EHF: variants seen among roughly 807,000 people sequenced by gnomAD.
EHF encodes the protein ETS homologous factor.
In EHF, 14 loss-of-function variants were observed where a neutral mutation model predicts 45.1. The ratio of observed to expected loss-of-function variants is 0.31; its 90% CI spans 0.21 to 0.49. The LOEUF (loss-of-function observed/expected upper bound fraction) is 0.49, where lower values mean the gene tolerates loss of function less well. EHF is among the 20% of genes least tolerant of loss of function. EHF has a pLI of 0.99. For synonymous variants in EHF, 136 were observed against 131.8 expected (o/e 1.03, Z -0.22); for missense variants, 282 against 371.4 (o/e 0.76, Z 1.98).
intron 2 of EHF, among the ~76,000 whole-genome samples, chr11:34,643,103 C>T (rs558364924): frequency 6.3e-4 from 92 of 145,044 alleles, no homozygotes; most frequent in Non-Finnish European, 9.9e-4. Flanking sequence ...TGTGTATGTG[C>T]GCGTGCATGG....
intron 1 of EHF, among the ~76,000 whole-genome samples, chr11:34,636,825 G>A (rs916724390): frequency 6.6e-6 from 1 of 152,174 alleles, no homozygotes; most frequent in African/African-American, 2.4e-5. Flanking sequence ...CTGAGGTCAG[G>A]AGTTCGAGAC....
chr11:34,625,180 A>G lies in EHF; in HGVS notation c.-4+3952A>G, dbSNP rs577409600. On this transcript the variant is annotated intron_variant, in intron 1 of 8. Transcript: ENST00000257831. ...CTTCAGAATTTTGGCTAAAGGCTAT[A>G]CTAGTGGAGGTACTAAGACCTGACA... Among the ~76,000 whole-genome samples, 3 of 150,128 alleles carry G rather than the reference A, an allele frequency of 2.0e-5. No individual in the cohort carries two copies. The Admixed American group carries it at 2.0e-4, about 10-fold the overall frequency.
intron 2 of EHF, among the ~76,000 whole-genome samples, chr11:34,643,709 A>G (rs1164377282): frequency 1.3e-5 from 2 of 152,214 alleles, no homozygotes; most frequent in African/African-American, 2.4e-5. Context: ...TGTCCCCCCA[A>G]ACTGCTGCAC....
intron 1 of EHF, chr11:34,622,339 A>T: frequency 1.8e-6 from 2 of 1,097,332 alleles, no homozygotes; most frequent in Non-Finnish European, 2.4e-6. Context: ...CCTTGGTAAC[A>T]GGGAGAAAGT....
At chr11:34,648,860 G>A (rs1439195623) in intron 3 of EHF, among the ~76,000 whole-genome samples, 159 bp from the exon 4 acceptor site, 7 of 152,312 alleles carry the variant, frequency 4.6e-5, no homozygotes, top group East Asian at 1.9e-4. Context: ...GCTTGAGTTT[G>A]TAGAGGCTGA....
chr11:34,651,859 G>T, intron 6 of EHF, 54 bp downstream of exon 6: 1 of 1,518,922 alleles, frequency 6.6e-7, no homozygotes, highest in East Asian at 2.3e-5. Flanking sequence ...GGGAGAATCA[G>T]TGGGAATTAC....
intron 1 of EHF, among the ~76,000 whole-genome samples, chr11:34,639,664 A>G (rs1853788861): frequency 1.3e-5 from 2 of 152,236 alleles, no homozygotes; most frequent in South Asian, 2.1e-4. Flanking sequence ...TTACAAGCCC[A>G]GGTGAGCTCA....
chr11:34,639,231 A>T (rs1162926667), intron 1 of EHF, among the ~76,000 whole-genome samples: 1 of 150,194 alleles, frequency 6.7e-6, no homozygotes, highest in Non-Finnish European at 1.5e-5. Flanking sequence ...ATTTGATGGT[A>T]TTTTTTTTTT....
At chr11:34,651,040 A>G (rs1855108154) in intron 4 of EHF, among the ~76,000 whole-genome samples, 1 of 152,100 alleles carries the variant, frequency 6.6e-6, no homozygotes, top group South Asian at 2.1e-4. Context: ...AAATCTCTGG[A>G]TTTCAGCAAG....
chr11:34,648,374 T>C (rs1170349523), intron 3 of EHF, among the ~76,000 whole-genome samples: 2 of 151,434 alleles, frequency 1.3e-5, no homozygotes, highest in African/African-American at 2.4e-5. Context: ...TAAGCATACA[T>C]ATATATGCTT....
At chr11:34,623,260 A>G (rs1297598640) in intron 1 of EHF, among the ~76,000 whole-genome samples, 1 of 151,866 alleles carries the variant, frequency 6.6e-6, no homozygotes, top group Admixed American at 6.6e-5. Flanking sequence ...TAAGTTTTGT[A>G]TTTTTAGTAG....
intron 1 of EHF, among the ~76,000 whole-genome samples, chr11:34,624,677 G>A (rs1228375420): frequency 6.6e-6 from 1 of 152,148 alleles, no homozygotes; most frequent in Admixed American, 6.5e-5. Context: ...ATTGATGTCC[G>A]GAAACCAGGA....
At chr11:34,654,673 T>C (rs1300178000) in intron 6 of EHF, among the ~76,000 whole-genome samples, 1 of 152,194 alleles carries the variant, frequency 6.6e-6, no homozygotes, top group Non-Finnish European at 1.5e-5. Context: ...GACTGCTGCA[T>C]GGGCCACAGC....
Position 34,630,781 on chromosome 11 carries a change from C to G in EHF, c.-4+9553C>G, listed in dbSNP as rs75916519. Reference sequence around the variant, plus strand: ...CCCTACGCTGCTCATAACAAGAATGCCTGGGAACGCTCAGTCAGCCATATC... The same window carrying G: ...CCCTACGCTGCTCATAACAAGAATGGCTGGGAACGCTCAGTCAGCCATATC... On this transcript the variant is annotated intron_variant, in intron 1 of 8. Coordinates refer to ENST00000257831, the MANE Select transcript of EHF (RefSeq NM_012153.6). Among the ~76,000 whole-genome samples the G allele has an allele frequency of 4.4e-3, 673 of 152,258 alleles. 8 individuals carry two copies. Among genetic ancestry groups the G allele is most frequent in the African/African-American group, 0.016 (650 of 41,534 alleles).
At position 34,661,845 on chromosome 11, in the gene EHF, AG is replaced by A. The variant is rs1856103845; in HGVS notation, c.*2917del. Among the ~76,000 whole-genome samples the A allele has an allele frequency of 6.6e-6, 1 of 152,138 alleles. No homozygotes were observed. Among genetic ancestry groups the A allele is most frequent in the Non-Finnish European group, 1.5e-5 (1 of 68,008 alleles). On this transcript the variant is annotated 3_prime_UTR_variant, in exon 9 of 9. Coordinates refer to ENST00000257831, the MANE Select transcript of EHF (RefSeq NM_012153.6). ...AAACCCCCCGTATGCCTGAGTTGAA[AG>A]GGCTCTCTCTTATTAGGTTTTCATG...
intron 1 of EHF, chr11:34,631,413 A>G (rs140613802): frequency 3.0e-4 from 55 of 184,764 alleles, no homozygotes; most frequent in African/African-American, 1.3e-3. Flanking sequence ...AATGTTGTTC[A>G]TGATCTCCAT....
chr11:34,632,520 T>C (rs1852986467), intron 1 of EHF: 1 of 1,534,946 alleles, frequency 6.5e-7, no homozygotes, highest in Non-Finnish European at 8.7e-7. Flanking sequence ...GGCTGCTTTG[T>C]GAAACTCAGA....
chr11:34,650,115 A>T (rs1854992993), intron 4 of EHF, among the ~76,000 whole-genome samples: 1 of 152,156 alleles, frequency 6.6e-6, no homozygotes, highest in African/African-American at 2.4e-5. Context: ...GGTCAGGAGG[A>T]TGGCACCCCC....
At chr11:34,653,096 T>A (rs879228925) in intron 6 of EHF, among the ~76,000 whole-genome samples, 2 of 152,156 alleles carry the variant, frequency 1.3e-5, no homozygotes, top group Admixed American at 1.3e-4. Flanking sequence ...ACCTCCCAAG[T>A]CACACTCTGA....
Sources: gnomAD v4.1 joint callset for allele counts (sites outside exome capture counted in the v4.1 genomes callset) on GRCh38, gnomAD v4.1.1 for gene constraint, MANE v1.5 for transcripts, NCBI Gene and HGNC (gene_info 2026-07-23, HGNC 2026-07-21) for gene names.